SCG5: variants seen among roughly 807,000 people sequenced by gnomAD.
SCG5 encodes the protein secretogranin V, also known as neuroendocrine protein 7B2.
In SCG5, 18 loss-of-function variants were observed where a neutral mutation model predicts 25.7. The ratio of observed to expected loss-of-function variants is 0.70; its 90% CI spans 0.48 to 1.04. The LOEUF is 1.04. SCG5 is among the 50% of genes least tolerant of loss of function. The pLI is 0.00. For synonymous variants in SCG5, 101 were observed against 91.7 expected, an observed-to-expected ratio of 1.10 and a Z score of -0.58; for missense variants, 206 against 259.8, an observed-to-expected ratio of 0.79 and a Z score of 1.42.
rs150223168 is a variant in SCG5, at chr15:32,667,453, T to G, written c.227-12313T>G. On this transcript the variant is annotated intron_variant, in intron 2 of 5. Transcript: ENST00000300175. ...TAAGAATCAGAAGAATTCTGTGAGG[T>G]GTATTTCCAGTGTCTGTGTGTAGTG... Among the ~76,000 whole-genome samples, 491 of 152,350 alleles carry G rather than the reference T, an allele frequency of 3.2e-3. 1 individual carries two copies. Among genetic ancestry groups the G allele is most frequent in the African/African-American group, 0.011 (470 of 41,584 alleles).
At chr15:32,685,489 T>C (rs1368966470) in intron 4 of SCG5, among the ~76,000 whole-genome samples, 1 of 152,110 alleles carries the variant, frequency 6.6e-6, no homozygotes, top group Non-Finnish European at 1.5e-5. Context: ...TCCATGTAAA[T>C]AGGGAGGGAG....
At chr15:32,684,442 A>G in intron 3 of SCG5, 115 bp from the exon 4 acceptor site, 2 of 662,122 alleles carry the variant, frequency 3.0e-6, no homozygotes, top group South Asian at 1.9e-5. Context: ...GTTCTAAGTT[A>G]CTACTGATGT....
chr15:32,664,422 T>C (rs1377275921), intron 2 of SCG5, among the ~76,000 whole-genome samples: 3 of 152,174 alleles, frequency 2.0e-5, no homozygotes, highest in African/African-American at 7.2e-5. Flanking sequence ...ACAAAACTAA[T>C]TGATTTATAT....
rs35500536 is a variant in SCG5, at chr15:32,684,639, G to A, written c.459G>A (p.Pro153=). The change falls in exon 4 of 6, where the codon CCG becomes CCA. Residue 153 remains proline, a synonymous_variant. Transcript: ENST00000300175. ...AGTTGCACCAGCATCTCTTTGATCCGGAACATGACTATCCAGGCTTGGGCA... is the reference window on the plus strand; with the variant it reads ...AGTTGCACCAGCATCTCTTTGATCCAGAACATGACTATCCAGGCTTGGGCA... The part of the protein sequence containing the change: ...EFQLHQHLFD[P]EHDYPGLGKW... 2,870 of 1,613,494 alleles carry A rather than the reference G, an allele frequency of 1.8e-3. 19 individuals carry two copies. In the African/African-American group the frequency reaches 0.025, roughly 14 times the overall value.
At chr15:32,689,678 C>T (rs1292765169) in intron 4 of SCG5, among the ~76,000 whole-genome samples, 1 of 152,160 alleles carries the variant, frequency 6.6e-6, no homozygotes, top group East Asian at 1.9e-4. Flanking sequence ...CATACCATAC[C>T]TGCCAATGCC....
intron 2 of SCG5, among the ~76,000 whole-genome samples, chr15:32,648,660 G>T (rs1338761071): frequency 1.3e-5 from 2 of 151,914 alleles, no homozygotes; most frequent in Non-Finnish European, 1.5e-5. Context: ...ACAATGGGAG[G>T]CTATCAACCT....
chr15:32,688,966 A>AAAAAG (rs1295161981), intron 4 of SCG5, among the ~76,000 whole-genome samples: 1 of 151,446 alleles, frequency 6.6e-6, no homozygotes, highest in Non-Finnish European at 1.5e-5. Flanking sequence ...CTCAAAAAAA[A>AAAAAG]AAAAAAAAGA....
chr15:32,668,643 A>C (rs2054363565), intron 2 of SCG5, among the ~76,000 whole-genome samples: 1 of 152,048 alleles, frequency 6.6e-6, no homozygotes, highest in Non-Finnish European at 1.5e-5. Flanking sequence ...ACCCTTATCC[A>C]CACCTCCTCA....
intron 2 of SCG5, among the ~76,000 whole-genome samples, chr15:32,663,050 TATA>T (rs2054252467): frequency 3.1e-5 from 1 of 31,824 alleles, no homozygotes; most frequent in African/African-American, 1.7e-4. Context: ...TATATATATA[TATA>T]TATATATATA....
chr15:32,676,630 C>G (rs12148394), intron 2 of SCG5, among the ~76,000 whole-genome samples: 36,844 of 152,196 alleles, frequency 0.24, 5,679 homozygotes, highest in Non-Finnish European at 0.35. Context: ...TATCCCTACA[C>G]TAGCTCTGAA....
At chr15:32,683,498 T>C (rs551198937) in intron 3 of SCG5, among the ~76,000 whole-genome samples, 2 of 152,210 alleles carry the variant, frequency 1.3e-5, no homozygotes, top group African/African-American at 2.4e-5. Flanking sequence ...AATGGAAAAC[T>C]TGCTTGATTT....
chr15:32,643,514 G>T (rs751181390), intron 1 of SCG5, 72 bp from the exon 2 acceptor site: 8 of 1,212,304 alleles, frequency 6.6e-6, no homozygotes, highest in Non-Finnish European at 9.8e-6. Flanking sequence ...TGGAGTGGTT[G>T]CATCATTATA....
chr15:32,672,102 G>T (rs2054436233), intron 2 of SCG5, among the ~76,000 whole-genome samples: 1 of 152,248 alleles, frequency 6.6e-6, no homozygotes, highest in Non-Finnish European at 1.5e-5. Flanking sequence ...TATCGAGACC[G>T]CAGTGTATTT....
chr15:32,687,807 C>T lies in SCG5; in HGVS notation c.489+3138C>T, dbSNP rs16966893. 5.1e-3 allele frequency among the ~76,000 whole-genome samples: 774 copies of T among 152,290 alleles called. 10 individuals carry two copies. Among genetic ancestry groups the T allele is most frequent in the African/African-American group, 0.018 (738 of 41,556 alleles). The stretch of plus-strand genomic sequence containing the variant: ...CTCTCTTCGTTAGTGCATCAAGACA[C>T]ATTTATTAACGACACATCATATGCC... On this transcript the variant is annotated intron_variant, in intron 4 of 5. Coordinates refer to ENST00000300175, the MANE Select transcript of SCG5 (RefSeq NM_001144757.3).
intron 2 of SCG5, among the ~76,000 whole-genome samples, chr15:32,668,570 G>T (rs921206509): frequency 2.0e-5 from 3 of 152,216 alleles, no homozygotes; most frequent in Non-Finnish European, 2.9e-5. Flanking sequence ...TGGGCACAGC[G>T]CTGCCAGGCC....
intron 2 of SCG5, among the ~76,000 whole-genome samples, chr15:32,655,015 A>T (rs773077221): frequency 6.6e-6 from 1 of 152,112 alleles, no homozygotes; most frequent in Non-Finnish European, 1.5e-5. Flanking sequence ...TGCTTTAAAT[A>T]TTTCTGGAGA....
chr15:32,650,397 G>A (rs1363718166), intron 2 of SCG5, among the ~76,000 whole-genome samples: 2 of 152,154 alleles, frequency 1.3e-5, no homozygotes, highest in African/African-American at 2.4e-5. Context: ...CACCACGCCC[G>A]GCGCCCCAGT....
chr15:32,687,657 A>G (rs1009735715), intron 4 of SCG5, among the ~76,000 whole-genome samples: 6 of 152,224 alleles, frequency 3.9e-5, no homozygotes, highest in Non-Finnish European at 1.5e-5. Context: ...AGAACAGCAC[A>G]AAGACCCTGC....
chr15:32,663,137 AAT>A (rs2054265785), intron 2 of SCG5, among the ~76,000 whole-genome samples: 1 of 148,056 alleles, frequency 6.8e-6, no homozygotes, highest in Non-Finnish European at 1.5e-5. Context: ...TAACATATAT[AAT>A]ATATGAATGG....
Sources: gnomAD v4.1 joint callset for allele counts (sites outside exome capture counted in the v4.1 genomes callset) on GRCh38, gnomAD v4.1.1 for gene constraint, MANE v1.5 for transcripts, NCBI Gene and HGNC (gene_info 2026-07-23, HGNC 2026-07-21) for gene names.